The following HIBCH variants were observed in gnomAD, a reference collection of about 807,000 sequenced individuals.
HIBCH encodes the protein 3-hydroxyisobutyryl-CoA hydrolase, mitochondrial.
In HIBCH, 50 loss-of-function variants were observed where a neutral mutation model predicts 58.2. The observed-to-expected ratio is 0.86, with a 90% CI of 0.68 to 1.09. The LOEUF is 1.09. Ranked by LOEUF, HIBCH falls within the 50% of genes least tolerant of loss-of-function variation. HIBCH has a pLI of 0.00. For missense variants in HIBCH, 450 were observed against 449.7 expected (o/e 1.00, Z -0.01); for synonymous variants, 151 against 146.9 (o/e 1.03, Z -0.20).
At chr2:190,277,860 G>GC (rs1281399928) in intron 6 of HIBCH, among the ~76,000 whole-genome samples, 3 of 152,136 alleles carry the variant, frequency 2.0e-5, no homozygotes, top group Non-Finnish European at 4.4e-5. Context: ...TGCTCATGCT[G>GC]CAAGGTGGAG....
intron 1 of HIBCH, among the ~76,000 whole-genome samples, chr2:190,192,450 ATC>A (rs1022163822): frequency 2.1e-4 from 20 of 93,786 alleles, no homozygotes; most frequent in Admixed American, 1.9e-3. Flanking sequence ...ATAATTCAGA[ATC>A]TGTGTGTGTG....
intron 1 of HIBCH, among the ~76,000 whole-genome samples, chr2:190,194,919 C>A (rs557885299): frequency 6.6e-6 from 1 of 152,140 alleles, no homozygotes; most frequent in African/African-American, 2.4e-5. Flanking sequence ...GTGGTGCAAT[C>A]AATCTTAACT....
intron 11 of HIBCH, among the ~76,000 whole-genome samples, chr2:190,232,905 C>T (rs1198233525): frequency 6.6e-6 from 1 of 152,062 alleles, no homozygotes; most frequent in African/African-American, 2.4e-5. Context: ...TTGCAGTGAG[C>T]CGAGATCATG....
downstream of HIBCH, chr2:190,200,694 G>A (rs1690207683): frequency 5.9e-6 from 1 of 169,856 alleles, no homozygotes. Context: ...TTTTGTAGAT[G>A]AGAAGTGTAA....
intron 11 of HIBCH, among the ~76,000 whole-genome samples, chr2:190,240,133 C>A (rs991837458): frequency 1.3e-5 from 2 of 152,024 alleles, no homozygotes; most frequent in Non-Finnish European, 2.9e-5. Context: ...TAGTCCTGGG[C>A]TTTTTTTGGT....
intron 1 of HIBCH, among the ~76,000 whole-genome samples, chr2:190,195,546 A>G (rs1689930219): frequency 6.6e-6 from 1 of 152,202 alleles, no homozygotes; most frequent in African/African-American, 2.4e-5. Flanking sequence ...TGTGCCACCT[A>G]TATGTAAGAA....
intron 1 of HIBCH, among the ~76,000 whole-genome samples, chr2:190,194,518 ACG>A (rs1285547920): frequency 1.6e-4 from 24 of 148,408 alleles, no homozygotes; most frequent in Non-Finnish European, 3.0e-4. Flanking sequence ...ACACACACAC[ACG>A]CAGCATCTCC....
In HIBCH at chr2:190,209,363, T is replaced by C. The variant is rs1052945057; in HGVS notation, c.1012-450A>G. 2.6e-5 allele frequency among the ~76,000 whole-genome samples: 4 copies of C among 152,184 alleles called. No individual in the cohort carries two copies. The highest frequency in any genetic ancestry group is 7.2e-5 in the African/African-American group (3 of 41,446). ...AGCTAAGTCTTGCTGCAGAAAATCATACAACTGTGACTGGTTTCATTTAAA... is the reference window on the plus strand; with the variant it reads ...AGCTAAGTCTTGCTGCAGAAAATCACACAACTGTGACTGGTTTCATTTAAA... On this transcript the variant is annotated intron_variant, in intron 12 of 13. Transcript: ENST00000359678. This position sits in a 1 kb window ranked among gnomAD's most constrained non-coding sequence, Gnocchi z 5.6.
rs1278780704 is a variant in HIBCH, at chr2:190,207,673, G to C, written c.1045+1207C>G. ...AGGCAGCCAGATCACATAATATCAGGAGTTCAAGACCAGCCTGGCCAACAT... is the reference window on the plus strand; with the variant it reads ...AGGCAGCCAGATCACATAATATCAGCAGTTCAAGACCAGCCTGGCCAACAT... On this transcript the variant is annotated intron_variant, in intron 13 of 13. Coordinates refer to ENST00000359678, the MANE Select transcript of HIBCH (RefSeq NM_014362.4). The surrounding 1 kb of genome is among the most constrained non-coding windows in gnomAD (Gnocchi z 4.5). 6.6e-6 allele frequency among the ~76,000 whole-genome samples: 1 copy of C among 152,100 alleles called. No individual in the cohort carries two copies. The highest frequency in any genetic ancestry group is 1.5e-5 in the Non-Finnish European group (1 of 68,022).
intron 6 of HIBCH, among the ~76,000 whole-genome samples, chr2:190,278,599 A>G (rs185243690): frequency 7.2e-6 from 1 of 139,350 alleles, no homozygotes; most frequent in Non-Finnish European, 1.6e-5. Context: ...GTCACAGGAG[A>G]CACAACCACA....
chr2:190,245,490 A>G (rs1365917535), intron 10 of HIBCH: 1 of 154,552 alleles, frequency 6.5e-6, no homozygotes, highest in African/African-American at 2.4e-5. Context: ...CACTGCACAA[A>G]ATCTTTTTGC....
rs1687938697 is a variant in HIBCH at position 190,290,779 on chromosome 2, T to C, written c.305-294A>G. Among the ~76,000 whole-genome samples, 3 of 152,190 alleles carry C rather than the reference T, an allele frequency of 2.0e-5. No individual in the cohort carries two copies. In the South Asian group the frequency reaches 6.2e-4, roughly 32 times the overall value. On this transcript the variant is annotated intron_variant, in intron 4 of 13. Coordinates refer to ENST00000359678, the MANE Select transcript of HIBCH (RefSeq NM_014362.4). ...GCTCAAACCTGTAATCGCAGCACTTTGAGAAACCAGGTGGGAGGATTCCTT... is the reference window on the plus strand; with the variant it reads ...GCTCAAACCTGTAATCGCAGCACTTCGAGAAACCAGGTGGGAGGATTCCTT...
At chr2:190,287,164 C>T (rs1244957525) in intron 6 of HIBCH, among the ~76,000 whole-genome samples, 3 of 151,912 alleles carry the variant, frequency 2.0e-5, no homozygotes, top group African/African-American at 7.3e-5. Context: ...TGGGTTCAAG[C>T]GATTATCATG....
At chr2:190,228,490 T>C (rs189146930) in intron 11 of HIBCH, among the ~76,000 whole-genome samples, 21 of 151,776 alleles carry the variant, frequency 1.4e-4, no homozygotes, top group Admixed American at 1.0e-3. Flanking sequence ...ACATGGCACA[T>C]ATACAAAAGT....
intron 2 of HIBCH, among the ~76,000 whole-genome samples, chr2:190,298,833 G>A (rs977688724): frequency 1.3e-5 from 2 of 152,116 alleles, no homozygotes; most frequent in African/African-American, 4.8e-5. Flanking sequence ...CCTATATCCT[G>A]AATGGTACTG....
At position 190,296,065 on chromosome 2, in the gene HIBCH, T is replaced by C. The variant is rs115620490; in HGVS notation, c.219+748A>G. The stretch of plus-strand genomic sequence containing the variant: ...CTGACTTTAAGTCCTGTTTTTCTAC[T>C]ATTCCATGCTGCTCACTTAGGAAAG... On this transcript the variant is annotated intron_variant, in intron 3 of 13. Transcript: ENST00000359678. Among the ~76,000 whole-genome samples the C allele has an allele frequency of 6.2e-3, 950 of 152,326 alleles. 9 individuals are homozygous for C. The highest frequency in any genetic ancestry group is 0.022 in the African/African-American group (902 of 41,572).
chr2:190,199,939 C>A (rs1575685284), downstream of HIBCH: 2 of 1,614,072 alleles, frequency 1.2e-6, no homozygotes, highest in South Asian at 1.1e-5. Context: ...GAGTGAAGAA[C>A]CCTTTATGCC....
intron 11 of HIBCH, among the ~76,000 whole-genome samples, chr2:190,239,647 G>GTTTTTTTTTTTTGTTTTT (rs565238312): frequency 1.6e-5 from 2 of 127,524 alleles, no homozygotes; most frequent in African/African-American, 5.9e-5. Context: ...GTGGTTTGTA[G>GTTTTTTTTTTTTGTTTTT]TTTTTTTTTT....
chr2:190,267,162 T>C (rs1687265777), intron 6 of HIBCH, among the ~76,000 whole-genome samples: 1 of 151,442 alleles, frequency 6.6e-6, no homozygotes, highest in African/African-American at 2.4e-5. Context: ...ATGGGGAGAG[T>C]GAGGTGAAGA....
Sources: gnomAD v4.1 joint callset for allele counts (sites outside exome capture counted in the v4.1 genomes callset) on GRCh38, gnomAD v4.1.1 for gene constraint, Gnocchi (gnomAD v3.1) non-coding constraint, MANE v1.5 for transcripts, NCBI Gene and HGNC (gene_info 2026-07-23, HGNC 2026-07-21) for gene names.